The following ORC1 variants were observed in gnomAD, a reference collection of about 807,000 sequenced individuals.
The protein encoded by ORC1 is origin recognition complex subunit 1.
Under a neutral mutation model 98.9 loss-of-function variants are expected in ORC1, and 61 were observed. The observed-to-expected ratio is 0.62, with a 90% CI of 0.50 to 0.76. The LOEUF is 0.76. Among genes scored for constraint, ORC1 ranks in the 30% least tolerant of loss-of-function variants. ORC1 has a pLI of 0.00. For missense variants in ORC1, 979 were observed against 1,072.2 expected, an observed-to-expected ratio of 0.91 and a Z score of 1.21; for synonymous variants, 385 against 406.9, an observed-to-expected ratio of 0.95 and a Z score of 0.65.
At position 52,373,368 on chromosome 1, in the gene ORC1, C is replaced by T. The variant is rs1173740009; in HGVS notation, c.2399G>A (p.Ser800Asn). Reference sequence around the variant, plus strand: ...CATTCTGCACAGTGCCACATGTTGACTATATATCTAGACACAAATAGCAAG... The same window carrying T: ...CATTCTGCACAGTGCCACATGTTGATTATATATCTAGACACAAATAGCAAG... ...LEEATFQQIY[S>N]QHVALCRMEG... is the part of the protein sequence containing the mutation. Residue 800 changes from serine to asparagine, a missense_variant, in exon 17 of 17, where the codon AGT (serine) becomes AAT (asparagine). Transcript: ENST00000371568. 18 of 1,613,690 alleles carry T rather than the reference C, an allele frequency of 1.1e-5. No individual in the cohort carries two copies. Among genetic ancestry groups the T allele is most frequent in the Non-Finnish European group, 1.5e-5 (18 of 1,179,680 alleles).
Position 52,389,069 on chromosome 1 carries a change from T to C in ORC1, c.1187+148A>G, listed in dbSNP as rs971366563. 19 of 721,000 alleles carry C rather than the reference T, an allele frequency of 2.6e-5. 1 individual carries two copies. Among genetic ancestry groups the C allele is most frequent in the African/African-American group, 2.6e-4 (15 of 57,290 alleles). 44.7% of individuals were successfully genotyped at this position (721,000 alleles called of 1,614,324 possible). Reference sequence around the variant, plus strand: ...TGCCCCTTCAGACTAAGACAATTATTTGAAACTTAACATAATTCCAGACAT... The same window carrying C: ...TGCCCCTTCAGACTAAGACAATTATCTGAAACTTAACATAATTCCAGACAT... On this transcript the variant is annotated intron_variant, in intron 7 of 16. Coordinates refer to ENST00000371568, the MANE Select transcript of ORC1 (RefSeq NM_004153.4).
Position 52,388,524 on chromosome 1 carries a change from C to T in ORC1, c.1301G>A (p.Arg434Lys), listed in dbSNP as rs747995537. 2.5e-6 allele frequency: 4 copies of T among 1,614,148 alleles called. No individual in the cohort carries two copies. The highest frequency in any genetic ancestry group is 3.4e-6 in the Non-Finnish European group (4 of 1,180,008). The change falls in exon 8 of 17, where the codon AGA (arginine) becomes AAA (lysine). Residue 434 changes from arginine (R) to lysine (K), a missense_variant. Arg to Lys is a conservative substitution (Grantham distance 26). Coordinates refer to ENST00000371568, the MANE Select transcript of ORC1 (RefSeq NM_004153.4). ...GTTCCTGGACACAGTTCTGGGTGCTCTCCTTGGAAGGGGCGGTGTGGAAGC... is the reference window on the plus strand; with the variant it reads ...GTTCCTGGACACAGTTCTGGGTGCTTTCCTTGGAAGGGGCGGTGTGGAAGC... ...EEASTPPLPR[R>K]APRTVSRNLR...
At chr1:52,380,021 T>A (rs750731119) in intron 14 of ORC1, among the ~76,000 whole-genome samples, 1 of 152,250 alleles carries the variant, frequency 6.6e-6, no homozygotes, top group Admixed American at 6.5e-5. Context: ...GGCATTATTG[T>A]AGAAGAGGTG....
rs143406918 is a variant in ORC1, at chr1:52,390,519, G to A, written c.1083-1198C>T. 1.4e-3 allele frequency among the ~76,000 whole-genome samples: 211 copies of A among 152,316 alleles called. 1 individual carries two copies. The highest frequency in any genetic ancestry group is 4.6e-3 in the African/African-American group (191 of 41,558). Reference sequence around the variant, plus strand: ...CATGTAGAAGAATGAAACTGGGGCCGGCCATGGTGGCTCACGCCTGTAATC... The same window carrying A: ...CATGTAGAAGAATGAAACTGGGGCCAGCCATGGTGGCTCACGCCTGTAATC... On this transcript the variant is annotated intron_variant, in intron 6 of 16. Coordinates refer to ENST00000371568, the MANE Select transcript of ORC1 (RefSeq NM_004153.4).
chr1:52,375,603 C>T lies in ORC1; in HGVS notation c.2134-4G>A. The T allele has an allele frequency of 1.2e-6, 2 of 1,613,510 alleles. No homozygotes were observed. The highest frequency in any genetic ancestry group is 1.7e-6 in the Non-Finnish European group (2 of 1,179,968). ...CATCTCCAGACAGTGCTGCTACCTA[C>T]AAGAGGGAATATTTTATTCCTGAGG... On this transcript the variant is annotated splice_region_variant and splice_polypyrimidine_tract_variant and intron_variant, in intron 14 of 16. Transcript: ENST00000371568.
chr1:52,398,024 C>T (rs1647501953), intron 3 of ORC1, among the ~76,000 whole-genome samples, 161 bp from the exon 4 acceptor site: 1 of 152,024 alleles, frequency 6.6e-6, no homozygotes. Flanking sequence ...AGTGCAGTGG[C>T]CCCATCTTGG....
At chr1:52,403,925 C>G (rs890524307) in intron 1 of ORC1, among the ~76,000 whole-genome samples, 2 of 152,192 alleles carry the variant, frequency 1.3e-5, no homozygotes, top group Non-Finnish European at 1.5e-5. Flanking sequence ...AAGTAGAGTG[C>G]TTTACAAATG....
intron 4 of ORC1, 119 bp downstream of exon 4, chr1:52,397,566 C>T (rs1054322134): frequency 3.2e-6 from 3 of 924,704 alleles, no homozygotes; most frequent in Non-Finnish European, 5.3e-6. Flanking sequence ...CAGAAGATGA[C>T]AGGAAATAAT....
chr1:52,394,625 A>T lies in ORC1; in HGVS notation c.722-822T>A, dbSNP rs1226453737. On this transcript the variant is annotated intron_variant, in intron 5 of 16. Coordinates refer to ENST00000371568, the MANE Select transcript of ORC1 (RefSeq NM_004153.4). The stretch of plus-strand genomic sequence containing the variant: ...GGGGACATATGAGGACCTAAAGAAA[A>T]AAAAAAGAAAAACTCCCTTGTTTCT... Among the ~76,000 whole-genome samples, 7 of 152,118 alleles carry T rather than the reference A, an allele frequency of 4.6e-5. No homozygotes were observed. In the South Asian group the frequency reaches 1.2e-3, roughly 27 times the overall value.
intron 14 of ORC1, among the ~76,000 whole-genome samples, chr1:52,379,290 C>T (rs1569909816): frequency 6.8e-6 from 1 of 147,444 alleles, no homozygotes; most frequent in Admixed American, 6.8e-5. Flanking sequence ...GTCTCCCAGG[C>T]TGGAGTGCAG....
chr1:52,406,145 C>T (rs1189417448), upstream of ORC1, among the ~76,000 whole-genome samples: 4 of 152,054 alleles, frequency 2.6e-5, no homozygotes, highest in Non-Finnish European at 5.9e-5. Flanking sequence ...TGTGCCATCA[C>T]GCCTGGCTAA....
chr1:52,405,921 C>A, upstream of ORC1: 1 of 1,109,136 alleles, frequency 9.0e-7, no homozygotes, highest in Non-Finnish European at 1.3e-6. Flanking sequence ...GGGGTGTACA[C>A]AATGTATCTC....
At chr1:52,397,962 G>A (rs764214407) in intron 3 of ORC1, 99 bp from the exon 4 acceptor site, 1 of 1,188,202 alleles carries the variant, frequency 8.4e-7, no homozygotes, top group South Asian at 1.2e-5. Flanking sequence ...CCCTTGACAT[G>A]TGTGGTTTTG....
rs145648784 is a variant in ORC1 at position 52,383,786 on chromosome 1, G to A, written c.1863+44C>T. ...CCTCCCATCCAGCACTTGCTCCTGA[G>A]GTACAGCCCTGTTTCTTCTCCTGTC... On this transcript the variant is annotated intron_variant, in intron 12 of 16. Transcript: ENST00000371568. 269 of 1,520,688 alleles carry A rather than the reference G, an allele frequency of 1.8e-4. 1 individual carries two copies. The African/African-American group carries it at 3.0e-3, about 17-fold the overall frequency. The allele number at this position is 1,520,688 out of a possible 1,614,324, so 94.2% of individuals were successfully genotyped here. A position where few individuals can be genotyped will look rare whatever the true frequency, so the allele number is the denominator to read the frequency against.
chr1:52,375,563 C>T lies in ORC1; in HGVS notation c.2170G>A (p.Asp724Asn), dbSNP rs747120236. The change falls in exon 15 of 17, where the codon GAC becomes AAC. Residue 724 changes from aspartate to asparagine, a missense_variant. Asp to Asn is a conservative substitution (Grantham distance 23). Transcript: ENST00000371568. Reference protein sequence around the residue: ...ALSGDARRCLDICRRATEICE... With the variant: ...ALSGDARRCLNICRRATEICE... The stretch of plus-strand genomic sequence containing the variant: ...ATCTCTGTGGCACGCCTGCAGATGT[C>T]CAGGCACCGTCGTGCATCTCCAGAC... 4 of 1,614,116 alleles carry T rather than the reference C, an allele frequency of 2.5e-6. No homozygotes were observed. Among genetic ancestry groups the T allele is most frequent in the Non-Finnish European group, 3.4e-6 (4 of 1,180,024 alleles).
chr1:52,385,243 G>A lies in ORC1; in HGVS notation c.1501C>T (p.Pro501Ser). ...ARLRLHVSAV[P>S]ESLPCREQEF... Reference sequence around the variant, plus strand: ...TGTTCCCGACAGGGAAGAGACTCAGGTACAGCAGAAACATGCAGCCTACCA... The same window carrying A: ...TGTTCCCGACAGGGAAGAGACTCAGATACAGCAGAAACATGCAGCCTACCA... Residue 501 changes from proline (P) to serine (S), a missense_variant, in exon 10 of 17, where the codon CCT becomes TCT. Coordinates refer to ENST00000371568, the MANE Select transcript of ORC1 (RefSeq NM_004153.4). 6.2e-7 allele frequency: 1 copy of A among 1,613,382 alleles called. No homozygotes were observed. The highest frequency in any genetic ancestry group is 8.5e-7 in the Non-Finnish European group (1 of 1,179,304).
chr1:52,400,553 C>G (rs1647655622), intron 3 of ORC1, among the ~76,000 whole-genome samples: 1 of 152,240 alleles, frequency 6.6e-6, no homozygotes, highest in African/African-American at 2.4e-5. Flanking sequence ...CTTGGGCATA[C>G]AGACTACCAC....
intron 5 of ORC1, among the ~76,000 whole-genome samples, chr1:52,394,350 C>T (rs986293890): frequency 1.3e-5 from 2 of 152,190 alleles, no homozygotes; most frequent in Non-Finnish European, 2.9e-5. Flanking sequence ...TGCTCATTTG[C>T]AGATACCAAC....
At chr1:52,404,576 G>A (rs1647908951), upstream of ORC1, 1 of 589,408 alleles carries the variant, frequency 1.7e-6, no homozygotes. Flanking sequence ...TGATTCGATA[G>A]GCGACGCGGG....
Sources: allele counts gnomAD v4.1 joint callset (sites outside exome capture counted in the v4.1 genomes callset), GRCh38; gene constraint gnomAD v4.1.1; transcripts MANE v1.5; gene names NCBI Gene and HGNC (gene_info 2026-07-23, HGNC 2026-07-21).